The following PEX14 variants were observed in gnomAD, a reference collection of about 807,000 sequenced individuals.
The protein encoded by PEX14 is peroxisomal biogenesis factor 14.
Under a neutral mutation model 49.5 loss-of-function variants are expected in PEX14, and 15 were observed. The ratio of observed to expected loss-of-function variants is 0.30; its 90% confidence interval spans 0.20 to 0.47. The LOEUF (loss-of-function observed/expected upper bound fraction) is 0.47. PEX14 is among the 20% of genes least tolerant of loss of function. PEX14 has a pLI of 1.00. For missense variants in PEX14, 398 were observed against 494.8 expected (o/e 0.80, Z 1.86); for synonymous variants, 210 against 212.7 (o/e 0.99, Z 0.11).
intron 2 of PEX14, among the ~76,000 whole-genome samples, chr1:10,520,484 A>T (rs1177466426): frequency 2.0e-5 from 3 of 151,986 alleles, no homozygotes; most frequent in African/African-American, 7.3e-5. Flanking sequence ...TACTTCCCTT[A>T]TGGTGGCCAC....
chr1:10,522,891 T>A (rs1557825536), intron 2 of PEX14, among the ~76,000 whole-genome samples: 1 of 152,248 alleles, frequency 6.6e-6, no homozygotes, highest in Non-Finnish European at 1.5e-5. Flanking sequence ...TTTATTAAGC[T>A]GAATATCTGG....
At chr1:10,523,122 T>C (rs1638355460) in intron 2 of PEX14, among the ~76,000 whole-genome samples, 1 of 152,222 alleles carries the variant, frequency 6.6e-6, no homozygotes, top group Admixed American at 6.5e-5. Flanking sequence ...TGGCATTTGC[T>C]GTTGGGCTTT....
In PEX14 at chr1:10,629,762, G is replaced by T; in HGVS notation, c.909G>T (p.Val303=). 6.3e-7 allele frequency: 1 copy of T among 1,584,390 alleles called. No individual in the cohort carries two copies. Among genetic ancestry groups the T allele is most frequent in the East Asian group, 2.3e-5 (1 of 43,292 alleles). ...CCCAGGAGGAAGGCGAGGGGGTGGT[G>T]GACGTCAAGGGCCAGGTGCGGATGG... ...LGPQEEGEGV[V]DVKGQVRMEV... The change falls in exon 9 of 9, where the codon GTG becomes GTT. Residue 303 remains valine (V), a synonymous_variant. Transcript: ENST00000356607. This position sits in a 1 kb window ranked among gnomAD's most constrained non-coding sequence, Gnocchi z 8.5.
chr1:10,546,908 A>C (rs1316528989), intron 3 of PEX14, among the ~76,000 whole-genome samples: 2 of 152,136 alleles, frequency 1.3e-5, no homozygotes, highest in East Asian at 3.8e-4. Context: ...CAACAGCAAA[A>C]AAACCAGATG....
intron 3 of PEX14, among the ~76,000 whole-genome samples, chr1:10,537,347 C>CT (rs1638845245): frequency 1.3e-5 from 1 of 75,736 alleles, no homozygotes; most frequent in South Asian, 8.9e-4. Flanking sequence ...CAGCACCCCC[C>CT]CCCCCCGCCA....
At chr1:10,550,950 G>A (rs1245273559) in intron 3 of PEX14, among the ~76,000 whole-genome samples, 1 of 152,188 alleles carries the variant, frequency 6.6e-6, no homozygotes, top group Non-Finnish European at 1.5e-5. Flanking sequence ...CCTTCCATGA[G>A]GGCTTTCATC....
chr1:10,618,180 T>G, intron 4 of PEX14, 152 bp from the exon 5 acceptor site: 1 of 660,856 alleles, frequency 1.5e-6, no homozygotes. Flanking sequence ...GCTGCTGTTG[T>G]GATGATCATG....
chr1:10,603,205 A>G (rs933701648), intron 4 of PEX14, among the ~76,000 whole-genome samples: 4 of 152,226 alleles, frequency 2.6e-5, no homozygotes, highest in Admixed American at 2.6e-4. Context: ...TCAATTTCTC[A>G]GTATTTTTAT....
At chr1:10,498,741 G>T (rs1348720694) in intron 2 of PEX14, among the ~76,000 whole-genome samples, 1 of 152,214 alleles carries the variant, frequency 6.6e-6, no homozygotes, top group African/African-American at 2.4e-5. Context: ...GAGAAATTCT[G>T]CAAACTCCAA....
In PEX14 at chr1:10,506,431, G is replaced by A. The variant is rs569488856; in HGVS notation, c.84+11110G>A. On this transcript the variant is annotated intron_variant, in intron 2 of 8. Transcript: ENST00000356607. ...GTAGCTGGGATTACAGGCATGCGCC[G>A]CCATGCCCGGCTAATTTTTTGTATT... Among the ~76,000 whole-genome samples, 297 of 152,140 alleles carry A rather than the reference G, an allele frequency of 2.0e-3. 16 individuals carry two copies. In the South Asian group the frequency reaches 0.059, roughly 30 times the overall value.
At chr1:10,508,938 G>A (rs1641836436) in intron 2 of PEX14, among the ~76,000 whole-genome samples, 2 of 142,444 alleles carry the variant, frequency 1.4e-5, no homozygotes, top group South Asian at 4.4e-4. Context: ...ACAAAGGCAT[G>A]CCTCCTTTTT....
intron 1 of PEX14, among the ~76,000 whole-genome samples, chr1:10,492,620 C>T (rs1304690317): frequency 6.6e-6 from 1 of 152,176 alleles, no homozygotes; most frequent in Non-Finnish European, 1.5e-5. Context: ...CACTTAGTAT[C>T]TAGCAAATGG....
Position 10,474,984 on chromosome 1 carries a change from G to A in PEX14, c.18G>A (p.Gln6=). The stretch of plus-strand genomic sequence containing the variant: ...TCAGAAAGATGGCGTCCTCGGAGCA[G>A]GCAGAGCAGCCGAGCCAGGTAAGGG... MASSE[Q]AEQPSQPSST... The change falls in exon 1 of 9, where the codon CAG becomes CAA. Residue 6 remains glutamine (Q), a synonymous_variant. Coordinates refer to ENST00000356607, the MANE Select transcript of PEX14 (RefSeq NM_004565.3). 6.2e-7 allele frequency: 1 copy of A among 1,609,902 alleles called. No individual in the cohort carries two copies. The highest frequency in any genetic ancestry group is 8.5e-7 in the Non-Finnish European group (1 of 1,178,532).
intron 2 of PEX14, among the ~76,000 whole-genome samples, chr1:10,515,504 A>G (rs1206554218): frequency 7.9e-5 from 12 of 152,064 alleles, no homozygotes; most frequent in Admixed American, 7.2e-4. Context: ...CTGGAAAGAG[A>G]GTGCCTGGCC....
At chr1:10,616,319 C>T (rs1460679678) in intron 4 of PEX14, among the ~76,000 whole-genome samples, 2 of 152,154 alleles carry the variant, frequency 1.3e-5, no homozygotes, top group South Asian at 2.1e-4. Flanking sequence ...CCTTCTCCTC[C>T]CCTGTGGTCA....
At chr1:10,498,593 T>C (rs1641611239) in intron 2 of PEX14, among the ~76,000 whole-genome samples, 1 of 152,216 alleles carries the variant, frequency 6.6e-6, no homozygotes, top group Non-Finnish European at 1.5e-5. Context: ...GCTGCGTGTT[T>C]CCTTTTCTTG....
At chr1:10,524,347 AG>A (rs1638399570) in intron 2 of PEX14, 1 of 332,432 alleles carries the variant, frequency 3.0e-6, no homozygotes, top group African/African-American at 2.2e-5. Context: ...AAGGTTACAA[AG>A]CAAGATGGTA....
chr1:10,617,206 G>A (rs1311062784), intron 4 of PEX14: 1 of 152,136 alleles, frequency 6.6e-6, no homozygotes, highest in African/African-American at 2.4e-5. Flanking sequence ...GCAGCAATGT[G>A]TTCTCCTGAG....
chr1:10,572,772 G>T (rs1205543468), intron 3 of PEX14, among the ~76,000 whole-genome samples: 1 of 152,088 alleles, frequency 6.6e-6, no homozygotes, highest in Non-Finnish European at 1.5e-5. Flanking sequence ...TCCTGACCTC[G>T]TGATCCGCTC....
Sources: allele counts gnomAD v4.1 joint callset (sites outside exome capture counted in the v4.1 genomes callset), GRCh38; gene constraint gnomAD v4.1.1; non-coding constraint Gnocchi (gnomAD v3.1); transcripts MANE v1.5; gene names NCBI Gene and HGNC (gene_info 2026-07-23, HGNC 2026-07-21).